ATP7A: variants seen among roughly 807,000 people sequenced by gnomAD.
ATP7A encodes ATPase copper transporting alpha.
In ATP7A, 7 loss-of-function variants were observed where a neutral mutation model predicts 83.5. The observed-to-expected ratio is 0.08, with a 90% confidence interval of 0.05 to 0.16. ATP7A has a LOEUF of 0.16. ATP7A is among the 10% of genes least tolerant of loss of function. The probability of loss-of-function intolerance (pLI) is 1.00; values close to 1 mark genes in which losing one functional copy is unlikely to be tolerated. For synonymous variants in ATP7A, 354 were observed against 395.2 expected, an observed-to-expected ratio of 0.90 and a Z score of 1.24; for missense variants, 940 against 1,120.8, an observed-to-expected ratio of 0.84 and a Z score of 2.30.
At chrX:77,967,716 T>C (rs1169222258) in intron 1 of ATP7A, among the ~76,000 whole-genome samples, 1 of 111,946 alleles carries the variant, frequency 8.9e-6, no homozygotes, top group African/African-American at 3.2e-5. Context: ...CTGAATTTTA[T>C]AGCATGTGAA....
intron 6 of ATP7A, among the ~76,000 whole-genome samples, chrX:78,005,697 A>G (rs1903212971): frequency 1.9e-5 from 2 of 105,555 alleles, no homozygotes; most frequent in South Asian, 8.1e-4. Context: ...AAAAAAAAAA[A>G]AAAAAAAAAG....
chrX:78,006,468 G>T (rs1036762450), intron 6 of ATP7A, among the ~76,000 whole-genome samples: 2 of 112,027 alleles, frequency 1.8e-5, no homozygotes, highest in Non-Finnish European at 3.8e-5. Flanking sequence ...TGTTTTTAAG[G>T]ATTAAAAAAT....
rs781993775 is a variant in ATP7A, at chrX:78,010,669, T to C, written c.1870-507T>C. ...ATCTCAGCTCACTGCAACCTCCGCC[T>C]CCTGGGTTCAAGCGATTCTCCTGTC... On this transcript the variant is annotated intron_variant, in intron 7 of 22. Coordinates refer to ENST00000341514, the MANE Select transcript of ATP7A (RefSeq NM_000052.7). 4.4e-3 allele frequency among the ~76,000 whole-genome samples: 406 copies of C among 91,252 alleles called. 2 individuals carry two copies. Among genetic ancestry groups the C allele is most frequent in the Non-Finnish European group, 7.4e-3 (359 of 48,636 alleles). 79.2% of individuals were successfully genotyped at this position (91,252 alleles called of 115,157 possible). A position where few individuals can be genotyped will look rare whatever the true frequency, so the allele number is the denominator to read the frequency against.
chrX:77,995,991 C>T (rs1260595961), intron 4 of ATP7A, among the ~76,000 whole-genome samples: 8 of 111,658 alleles, frequency 7.2e-5, no homozygotes, highest in East Asian at 2.8e-4. Context: ...GTGATCCACC[C>T]GCCTCGGCCT....
intron 17 of ATP7A, among the ~76,000 whole-genome samples, chrX:78,037,909 T>G (rs2078023170): frequency 9.3e-6 from 1 of 107,762 alleles, no homozygotes; most frequent in African/African-American, 3.4e-5. Context: ...ATAGAGATAC[T>G]TTTGGAAAGT....
At chrX:78,031,209 T>C (rs1192371701) in intron 15 of ATP7A, among the ~76,000 whole-genome samples, 191 bp from the exon 16 acceptor site, 1 of 112,216 alleles carries the variant, frequency 8.9e-6, no homozygotes, top group African/African-American at 3.2e-5. Flanking sequence ...AGAGGAGAGC[T>C]GTTGTGTATA....
At chrX:77,945,596 G>C (rs989709158) in intron 1 of ATP7A, among the ~76,000 whole-genome samples, 3 of 112,241 alleles carry the variant, frequency 2.7e-5, no homozygotes, top group Non-Finnish European at 5.6e-5. Context: ...ATAGGCCAGA[G>C]TCCCTGTAGA....
Position 78,009,241 on chromosome X carries a change from G to T in ATP7A, c.1847G>T (p.Arg616Ile), listed in dbSNP as rs2077800156. Residue 616 changes from arginine (R) to isoleucine (I), a missense_variant, in exon 7 of 23, where the codon AGA becomes ATA. Physicochemically the swap from Arg to Ile is moderately conservative, Grantham distance 97 (BLOSUM62 -3). This residue lies in a region of ATP7A where 204 missense variants were observed against 185.8 expected (regional missense o/e 1.10). Coordinates refer to ENST00000341514, the MANE Select transcript of ATP7A (RefSeq NM_000052.7). Reference sequence around the variant, plus strand: ...TATGACCCAGAAATTATTGGTCCTAGAGATATTATCCATACAATTGAAGTA... The same window carrying T: ...TATGACCCAGAAATTATTGGTCCTATAGATATTATCCATACAATTGAAGTA... ...IKYDPEIIGP[R>I]DIIHTIESLG... The T allele has an allele frequency of 5.0e-6, 6 of 1,210,219 alleles. No homozygotes were observed. The highest frequency in any genetic ancestry group is 6.7e-6 in the Non-Finnish European group (6 of 894,684).
chrX:77,916,580 C>T (rs1321178442), intron 1 of ATP7A, among the ~76,000 whole-genome samples: 1 of 110,377 alleles, frequency 9.1e-6, no homozygotes, highest in Non-Finnish European at 1.9e-5. Flanking sequence ...TCTAGGCCAT[C>T]GAGATTTTCC....
At chrX:77,989,131 G>A (rs2077655164) in intron 3 of ATP7A, 102 bp from the exon 4 acceptor site, 1 of 927,675 alleles carries the variant, frequency 1.1e-6, no homozygotes, top group African/African-American at 2.0e-5. Context: ...TGACAAGAAT[G>A]AGAGAGAAAC....
intron 1 of ATP7A, among the ~76,000 whole-genome samples, chrX:77,944,838 T>C (rs781895409): frequency 4.7e-5 from 5 of 106,208 alleles, no homozygotes; most frequent in Non-Finnish European, 5.8e-5. Context: ...ATGTGTGTAT[T>C]TATTTATTTA....
chrX:78,011,850 C>T, intron 9 of ATP7A, 176 bp downstream of exon 9: 1 of 534,552 alleles, frequency 1.9e-6, no homozygotes, highest in Non-Finnish European at 3.3e-6. Flanking sequence ...TAATAGATGC[C>T]ATTTAACCCC....
At chrX:77,995,763 C>T (rs905230945) in intron 4 of ATP7A, among the ~76,000 whole-genome samples, 1 of 110,261 alleles carries the variant, frequency 9.1e-6, no homozygotes, top group African/African-American at 3.3e-5. Context: ...GTTTGTTTTG[C>T]GAAGGAGTCT....
chrX:78,005,698 A>G (rs2077769955), intron 6 of ATP7A, among the ~76,000 whole-genome samples: 1 of 104,680 alleles, frequency 9.6e-6, no homozygotes, highest in African/African-American at 3.5e-5. Flanking sequence ...AAAAAAAAAA[A>G]AAAAAAAAGA....
chrX:77,995,301 AC>A (rs782357768), intron 4 of ATP7A, among the ~76,000 whole-genome samples: 71 of 111,260 alleles, frequency 6.4e-4, no homozygotes, highest in African/African-American at 2.3e-3. Flanking sequence ...GCAGTGGCTT[AC>A]GCCTGTAATC....
chrX:77,918,597 T>C (rs1483429539), intron 1 of ATP7A, among the ~76,000 whole-genome samples: 1 of 111,215 alleles, frequency 9.0e-6, no homozygotes, highest in Admixed American at 9.7e-5. Flanking sequence ...CCAATGGGAA[T>C]CTTAGCTGAG....
At chrX:77,937,859 G>A (rs1272366913) in intron 1 of ATP7A, among the ~76,000 whole-genome samples, 1 of 106,779 alleles carries the variant, frequency 9.4e-6, no homozygotes, top group Non-Finnish European at 1.9e-5. Flanking sequence ...TGGAGGTGAT[G>A]GGATGGTTCT....
At chrX:77,928,076 C>T (rs782022350) in intron 1 of ATP7A, among the ~76,000 whole-genome samples, 3 of 110,490 alleles carry the variant, frequency 2.7e-5, no homozygotes, top group Non-Finnish European at 5.7e-5. Flanking sequence ...ATCCTCCTAC[C>T]TCAGCCTCAC....
intron 1 of ATP7A, chrX:77,923,618 T>G (rs782286815): frequency 9.1e-6 from 1 of 109,797 alleles, no homozygotes; most frequent in African/African-American, 3.3e-5. Context: ...TACCTTTTTT[T>G]GTGTGCTGAT....
Sources: allele counts gnomAD v4.1 joint callset (sites outside exome capture counted in the v4.1 genomes callset), GRCh38; gene constraint gnomAD v4.1.1; regional missense constraint gnomAD v4.1.1; transcripts MANE v1.5; gene names NCBI Gene and HGNC (gene_info 2026-07-23, HGNC 2026-07-21).